WDR27: variants seen among roughly 807,000 people sequenced by gnomAD.
WDR27 encodes WD repeat-containing protein 27.
A neutral mutation model predicts 114.4 loss-of-function variants in WDR27; 100 were observed. That is an observed-to-expected ratio of 0.87 (90% CI 0.74 to 1.03). The LOEUF is 1.03. WDR27 is among the 50% of genes least tolerant of loss of function. The pLI is 0.00. For missense variants in WDR27, 1,129 were observed against 1,092.9 expected (o/e 1.03, Z -0.47); for synonymous variants, 449 against 423.1 (o/e 1.06, Z -0.75).
intron 17 of WDR27, among the ~76,000 whole-genome samples, chr6:169,642,998 C>T (rs1005207759): frequency 6.6e-6 from 1 of 152,204 alleles, no homozygotes; most frequent in African/African-American, 2.4e-5. Context: ...CGAGCATCTC[C>T]TTGATGTTAT....
chr6:169,525,107 A>T (rs1163681462), intron 25 of WDR27, among the ~76,000 whole-genome samples: 1 of 152,172 alleles, frequency 6.6e-6, no homozygotes, highest in African/African-American at 2.4e-5. Context: ...AATCCAATTA[A>T]AAAAAATCTG....
chr6:169,629,964 A>T (rs1166123189), intron 21 of WDR27, among the ~76,000 whole-genome samples: 1 of 151,678 alleles, frequency 6.6e-6, no homozygotes, highest in African/African-American at 2.4e-5. Context: ...AATTTACAAC[A>T]TGAAAGAAAC....
In WDR27 at chr6:169,638,087, C is replaced by A. The variant is rs1441993822; in HGVS notation, c.1869+452G>T. ...ATCCCAGCACTTTGGGAGGCCGAGG[C>A]GGGTGGATCATGAGGTCAGGAGATC... is the stretch of plus-strand genomic sequence containing the variant. On this transcript the variant is annotated intron_variant, in intron 18 of 25. Transcript: ENST00000448612. Among the ~76,000 whole-genome samples the A allele has an allele frequency of 2.5e-5, 2 of 79,402 alleles. 1 individual carries two copies. Among genetic ancestry groups the A allele is most frequent in the Admixed American group, 1.9e-4 (2 of 10,344 alleles). The allele number at this position is 79,402 out of a possible 152,430, so 52.1% of individuals were successfully genotyped here.
At chr6:169,435,723 T>C in the WDR27 span, among the ~76,000 whole-genome samples, 1 of 152,228 alleles carries the variant, frequency 6.6e-6, no homozygotes, top group Non-Finnish European at 1.5e-5. Context: ...TGCTTTTGAT[T>C]TTACAGGCTC....
chr6:169,564,237 G>T (rs1800100555), intron 25 of WDR27, among the ~76,000 whole-genome samples: 1 of 152,194 alleles, frequency 6.6e-6, no homozygotes, highest in Non-Finnish European at 1.5e-5. Flanking sequence ...AAAGATGGAG[G>T]CCAGGAGACT....
At chr6:169,661,410 C>A (rs1242210393) in intron 9 of WDR27, among the ~76,000 whole-genome samples, 1 of 152,186 alleles carries the variant, frequency 6.6e-6, no homozygotes, top group African/African-American at 2.4e-5. Flanking sequence ...CACTGAGAAG[C>A]CATCTCCAGG....
At chr6:169,548,505 T>G (rs1261464885) in intron 25 of WDR27, among the ~76,000 whole-genome samples, 1 of 152,234 alleles carries the variant, frequency 6.6e-6, no homozygotes, top group Non-Finnish European at 1.5e-5. Flanking sequence ...ATACATGTAT[T>G]GAAACATCAC....
At chr6:169,466,922 A>G (rs923165580) in intron 25 of WDR27, among the ~76,000 whole-genome samples, 2 of 152,188 alleles carry the variant, frequency 1.3e-5, no homozygotes, top group African/African-American at 2.4e-5. Flanking sequence ...GACCTATGAG[A>G]CTGTAAAATC....
At chr6:169,429,144 G>A in the WDR27 span, among the ~76,000 whole-genome samples, 18 of 152,216 alleles carry the variant, frequency 1.2e-4, no homozygotes, top group Middle Eastern at 3.4e-3. Context: ...CCTCTCTCCC[G>A]AGGCTCGTGT....
chr6:169,484,022 C>T (rs891354278), intron 25 of WDR27, among the ~76,000 whole-genome samples: 1 of 152,002 alleles, frequency 6.6e-6, no homozygotes, highest in Non-Finnish European at 1.5e-5. Context: ...AAGGAACATA[C>T]CTCAAAATAA....
chr6:169,609,372 C>T (rs1276460960), intron 22 of WDR27, among the ~76,000 whole-genome samples: 4 of 152,206 alleles, frequency 2.6e-5, no homozygotes, highest in Non-Finnish European at 2.9e-5. Flanking sequence ...AAAACATCTG[C>T]GTGGGCATCC....
chr6:169,664,068 A>T (rs887618446), intron 8 of WDR27, 98 bp downstream of exon 8: 1 of 1,144,216 alleles, frequency 8.7e-7, no homozygotes. Context: ...CTACATTGGG[A>T]TCTCTCTCTC....
In WDR27 at chr6:169,659,663, C is replaced by G. The variant is rs1825435340; in HGVS notation, c.1130-145G>C. The G allele has an allele frequency of 2.7e-6, 2 of 728,938 alleles. No individual in the cohort carries two copies. The highest frequency in any genetic ancestry group is 2.7e-5 in the East Asian group (1 of 36,974). The allele number at this position is 728,938 out of a possible 1,614,324, so 45.2% of individuals were successfully genotyped here. A position where few individuals can be genotyped will look rare whatever the true frequency, so the allele number is the denominator to read the frequency against. Reference sequence around the variant, plus strand: ...CACCACACACTTTGCAGGCTGTGCACCACATCCTCACACATACAAGGCCCC... The same window carrying G: ...CACCACACACTTTGCAGGCTGTGCAGCACATCCTCACACATACAAGGCCCC... On this transcript the variant is annotated intron_variant, in intron 10 of 25. Transcript: ENST00000448612. The surrounding 1 kb of genome is among the most constrained non-coding windows in gnomAD (Gnocchi z 4.3).
At position 169,660,643 on chromosome 6, in the gene WDR27, G is replaced by T; in HGVS notation, c.1129+20C>A. 1.3e-6 allele frequency: 2 copies of T among 1,591,548 alleles called. No homozygotes were observed. Among genetic ancestry groups the T allele is most frequent in the Non-Finnish European group, 1.7e-6 (2 of 1,159,648 alleles). Reference sequence around the variant, plus strand: ...AAGGAAAACATTACAGTTACATGGCGTTGAAATCAAAGATCTTACCCTTGT... The same window carrying T: ...AAGGAAAACATTACAGTTACATGGCTTTGAAATCAAAGATCTTACCCTTGT... On this transcript the variant is annotated intron_variant, in intron 10 of 25. Transcript: ENST00000448612.
intron 25 of WDR27, among the ~76,000 whole-genome samples, chr6:169,470,625 CAT>C (rs769137373): frequency 2.6e-5 from 4 of 152,226 alleles, no homozygotes; most frequent in Admixed American, 6.5e-5. Context: ...TCAGTTTACA[CAT>C]GAGTGGGAAG....
At chr6:169,614,880 A>G (rs1811424649) in intron 21 of WDR27, among the ~76,000 whole-genome samples, 1 of 152,206 alleles carries the variant, frequency 6.6e-6, no homozygotes, top group African/African-American at 2.4e-5. Context: ...ACAAAAAGAC[A>G]GAGAAGATAA....
At chr6:169,446,369 A>T in the WDR27 span, among the ~76,000 whole-genome samples, 2 of 152,028 alleles carry the variant, frequency 1.3e-5, no homozygotes, top group African/African-American at 2.4e-5. Flanking sequence ...GAAGGTGGGC[A>T]GGGGCCGGGC....
downstream of WDR27, among the ~76,000 whole-genome samples, chr6:169,456,381 G>T (rs1181374158): frequency 6.9e-6 from 1 of 145,586 alleles, no homozygotes; most frequent in Non-Finnish European, 1.5e-5. The surrounding 1 kb of genome is among the most constrained non-coding windows in gnomAD (Gnocchi z 4.0). Flanking sequence ...GGCTGGTGAA[G>T]CTCTGGGTGG....
the WDR27 span, among the ~76,000 whole-genome samples, chr6:169,448,457 C>T: frequency 3.3e-5 from 5 of 150,538 alleles, no homozygotes; most frequent in East Asian, 9.8e-4. Context: ...TGTGCAGATA[C>T]AGTTGAGGTG....
Sources: gnomAD v4.1 joint callset for allele counts (sites outside exome capture counted in the v4.1 genomes callset) on GRCh38, gnomAD v4.1.1 for gene constraint, Gnocchi (gnomAD v3.1) non-coding constraint, MANE v1.5 for transcripts, NCBI Gene and HGNC (gene_info 2026-07-23, HGNC 2026-07-21) for gene names.